Variants in CACNA2D3 observed in about 807,000 individuals in gnomAD.
CACNA2D3 encodes the protein voltage-dependent calcium channel subunit alpha-2/delta-3.
A neutral mutation model predicts 160.6 loss-of-function variants in CACNA2D3; 60 were observed. That is an observed-to-expected ratio of 0.37 (90% confidence interval 0.30 to 0.46). CACNA2D3 has a LOEUF of 0.46. Among genes scored for constraint, CACNA2D3 ranks in the 20% least tolerant of loss-of-function variants. The probability of loss-of-function intolerance (pLI) is 1.00; values close to 1 mark genes in which losing one functional copy is unlikely to be tolerated. For synonymous variants in CACNA2D3, 558 were observed against 492.9 expected (o/e 1.13, Z -1.75); for missense variants, 1,205 against 1,365.0 (o/e 0.88, Z 1.85).
intron 4 of CACNA2D3, among the ~76,000 whole-genome samples, chr3:54,401,598 T>A (rs928394590): frequency 4.4e-4 from 67 of 152,140 alleles, no homozygotes; most frequent in African/African-American, 1.5e-3. Context: ...GGGATGAAAA[T>A]TTTAAAGTAC....
At chr3:54,702,594 A>G (rs1700787375) in intron 11 of CACNA2D3, among the ~76,000 whole-genome samples, 1 of 152,204 alleles carries the variant, frequency 6.6e-6, no homozygotes, top group Non-Finnish European at 1.5e-5. Flanking sequence ...TTTAAAAATA[A>G]CAGATGTTAG....
intron 23 of CACNA2D3, among the ~76,000 whole-genome samples, chr3:54,885,800 T>C (rs1250483192): frequency 6.6e-6 from 1 of 152,188 alleles, no homozygotes; most frequent in Non-Finnish European, 1.5e-5. Flanking sequence ...GGTTTAGCTG[T>C]TTGCATTGGG....
At chr3:54,181,477 C>G (rs922035162) in intron 2 of CACNA2D3, among the ~76,000 whole-genome samples, 4 of 152,152 alleles carry the variant, frequency 2.6e-5, no homozygotes, top group Admixed American at 2.0e-4. Flanking sequence ...GGAGACATTA[C>G]GAATTATTTT....
At position 54,828,251 on chromosome 3, in the gene CACNA2D3, G is replaced by A. The variant is rs73063746; in HGVS notation, c.1399-8908G>A. 6.4e-3 allele frequency among the ~76,000 whole-genome samples: 982 copies of A among 152,262 alleles called. 5 individuals are homozygous for A. Among genetic ancestry groups the A allele is most frequent in the Non-Finnish European group, 0.011 (760 of 68,022 alleles). On this transcript the variant is annotated intron_variant, in intron 14 of 37. Coordinates refer to ENST00000474759, the MANE Select transcript of CACNA2D3 (RefSeq NM_018398.3). ...GAAAATATGAACATTTGGCCACCAT[G>A]GGGGGTCAATTATGTGTCATGGCTC...
At chr3:54,293,068 A>G (rs1057308886) in intron 2 of CACNA2D3, among the ~76,000 whole-genome samples, 20 of 152,380 alleles carry the variant, frequency 1.3e-4, no homozygotes, top group Non-Finnish European at 2.6e-4. Context: ...GAAATAAATC[A>G]GACACAAAAG....
intron 3 of CACNA2D3, among the ~76,000 whole-genome samples, chr3:54,352,626 G>GC (rs1698583811): frequency 1.3e-5 from 2 of 152,306 alleles, no homozygotes; most frequent in South Asian, 4.1e-4. Flanking sequence ...GAGCAGTAGA[G>GC]CCCATGCTGG....
intron 9 of CACNA2D3, among the ~76,000 whole-genome samples, chr3:54,593,408 T>TG (rs1468821695): frequency 1.4e-5 from 2 of 143,464 alleles, no homozygotes; most frequent in Non-Finnish European, 3.0e-5. Flanking sequence ...GGGAGGACAG[T>TG]GGAGGGGAGG....
At chr3:54,216,193 G>A (rs1015635069) in intron 2 of CACNA2D3, among the ~76,000 whole-genome samples, 2 of 152,190 alleles carry the variant, frequency 1.3e-5, no homozygotes, top group Non-Finnish European at 1.5e-5. Flanking sequence ...AGTTCGAGAA[G>A]CCTGACACCC....
At chr3:54,838,292 A>G (rs963610591) in intron 15 of CACNA2D3, among the ~76,000 whole-genome samples, 3 of 152,192 alleles carry the variant, frequency 2.0e-5, no homozygotes, top group Non-Finnish European at 2.9e-5. Flanking sequence ...TTAATTTTCA[A>G]GAGAGGAGAG....
chr3:54,937,953 C>T (rs371814887), intron 27 of CACNA2D3, among the ~76,000 whole-genome samples: 223 of 152,344 alleles, frequency 1.5e-3, no homozygotes, highest in Middle Eastern at 6.8e-3. Context: ...CATTGGTTTT[C>T]ACCATCTGAC....
At chr3:54,384,754 C>T (rs1242806066) in intron 3 of CACNA2D3, among the ~76,000 whole-genome samples, 1 of 152,176 alleles carries the variant, frequency 6.6e-6, no homozygotes, top group Admixed American at 6.5e-5. Flanking sequence ...GAGTCTCACT[C>T]TGTCGCCCAG....
At position 54,195,035 on chromosome 3, in the gene CACNA2D3, C is replaced by T. The variant is rs1701053417; in HGVS notation, c.204+71441C>T. ...GCCACCCATCCAACGTGGTCACTCC[C>T]ATGCTAAGTCTTACATGATAACCTG... On this transcript the variant is annotated intron_variant, in intron 2 of 37. Coordinates refer to ENST00000474759, the MANE Select transcript of CACNA2D3 (RefSeq NM_018398.3). 1.3e-5 allele frequency among the ~76,000 whole-genome samples: 2 copies of T among 152,214 alleles called. 1 individual carries two copies. Among genetic ancestry groups the T allele is most frequent in the Non-Finnish European group, 2.9e-5 (2 of 68,048 alleles).
intron 2 of CACNA2D3, among the ~76,000 whole-genome samples, chr3:54,256,550 G>T (rs1416702393): frequency 6.6e-6 from 1 of 152,106 alleles, no homozygotes; most frequent in South Asian, 2.1e-4. Flanking sequence ...AGTTTTATTA[G>T]GGTTATGTAC....
In CACNA2D3 at chr3:54,680,780, T is replaced by C. The variant is rs193230959; in HGVS notation, c.1167+38539T>C. On this transcript the variant is annotated intron_variant, in intron 11 of 37. Coordinates refer to ENST00000474759, the MANE Select transcript of CACNA2D3 (RefSeq NM_018398.3). ...AGACCTTTGGATGCTTGGGAGGTTTTTCAGGGTTATAGCTATGTTGCTGCA... is the reference window on the plus strand; with the variant it reads ...AGACCTTTGGATGCTTGGGAGGTTTCTCAGGGTTATAGCTATGTTGCTGCA... Among the ~76,000 whole-genome samples, 3 of 152,308 alleles carry C rather than the reference T, an allele frequency of 2.0e-5. No homozygotes were observed. In the East Asian group the frequency reaches 5.8e-4, roughly 29 times the overall value.
intron 13 of CACNA2D3, among the ~76,000 whole-genome samples, chr3:54,808,732 A>G (rs1180040892): frequency 6.6e-6 from 1 of 152,108 alleles, no homozygotes; most frequent in Non-Finnish European, 1.5e-5. Flanking sequence ...ATTAGTAGAG[A>G]TAGGAGTCAC....
chr3:54,421,991 T>C (rs1341672880), intron 4 of CACNA2D3, among the ~76,000 whole-genome samples: 2 of 152,192 alleles, frequency 1.3e-5, no homozygotes, highest in African/African-American at 2.4e-5. Flanking sequence ...AATTCATTTG[T>C]AGCTTTAAAA....
In CACNA2D3 at chr3:54,905,955, G is replaced by A. The variant is rs185707410; in HGVS notation, c.2449+6087G>A. ...ATATTGCACCTACAGTGTTCCTAGC[G>A]CTGGGGATACAGCTGTGAACAAGTA... On this transcript the variant is annotated intron_variant, in intron 27 of 37. Transcript: ENST00000474759. Among the ~76,000 whole-genome samples the A allele has an allele frequency of 1.2e-4, 18 of 152,192 alleles. No individual in the cohort carries two copies. The East Asian group carries it at 2.5e-3, about 21-fold the overall frequency.
intron 4 of CACNA2D3, among the ~76,000 whole-genome samples, chr3:54,485,173 TTAC>T (rs776499473): frequency 1.8e-4 from 27 of 152,260 alleles, no homozygotes; most frequent in Non-Finnish European, 2.9e-4. Context: ...TAAATACAGT[TTAC>T]TACTACTAAT....
intron 5 of CACNA2D3, among the ~76,000 whole-genome samples, chr3:54,559,809 A>C (rs1023727020): frequency 6.6e-5 from 10 of 152,230 alleles, no homozygotes; most frequent in Middle Eastern, 3.4e-3. Context: ...TGTTCTCATC[A>C]TTTAGCTCCC....
Sources: gnomAD v4.1 joint callset for allele counts (sites outside exome capture counted in the v4.1 genomes callset) on GRCh38, gnomAD v4.1.1 for gene constraint, MANE v1.5 for transcripts, NCBI Gene and HGNC (gene_info 2026-07-23, HGNC 2026-07-21) for gene names.